The following DNAH6 variants were observed in gnomAD, a reference collection of about 807,000 sequenced individuals.
The protein encoded by DNAH6 is axonemal beta dynein heavy chain 6.
A neutral mutation model predicts 491.4 loss-of-function variants in DNAH6; 340 were observed. The ratio of observed to expected loss-of-function variants is 0.69; its 90% CI spans 0.63 to 0.76. The LOEUF (loss-of-function observed/expected upper bound fraction) is 0.76, where lower values mean the gene tolerates loss of function less well. Ranked by LOEUF, DNAH6 falls within the 30% of genes least tolerant of loss-of-function variation. The pLI is 0.00. For synonymous variants in DNAH6, 1,603 were observed against 1,686.1 expected, an observed-to-expected ratio of 0.95 and a Z score of 1.21; for missense variants, 4,443 against 4,972.2, an observed-to-expected ratio of 0.89 and a Z score of 3.20.
chr2:84,529,045 G>A lies in DNAH6; in HGVS notation c.541G>A (p.Ala181Thr), dbSNP rs1267693699. 1 of 1,551,290 alleles carries A rather than the reference G, an allele frequency of 6.4e-7. No individual in the cohort carries two copies. Among genetic ancestry groups the A allele is most frequent in the Non-Finnish European group, 8.7e-7 (1 of 1,146,748 alleles). The change falls in exon 4 of 77, where the codon GCC becomes ACC. Residue 181 changes from alanine (A) to threonine (T), a missense_variant. Transcript: ENST00000389394. ...TCACGACCGAGAAGAAGTTGTTAAA[G>A]CCAACATTCGTGATCCCTTGCAAAT... Reference protein sequence around the residue: ...TFHDREEVVKANIRDPLQIIK... With the variant: ...TFHDREEVVKTNIRDPLQIIK...
At chr2:84,620,795 G>A (rs1174788094) in intron 24 of DNAH6, among the ~76,000 whole-genome samples, 1 of 152,188 alleles carries the variant, frequency 6.6e-6, no homozygotes, top group Non-Finnish European at 1.5e-5. Flanking sequence ...AAACAGCCAT[G>A]ACAGTCAAGC....
chr2:84,650,208 C>A (rs747452823), intron 33 of DNAH6, among the ~76,000 whole-genome samples: 10 of 152,124 alleles, frequency 6.6e-5, no homozygotes, highest in Non-Finnish European at 1.0e-4. Flanking sequence ...GTGACATTTT[C>A]AGTCATTATT....
chr2:84,639,199 C>T (rs1371731226), intron 31 of DNAH6, among the ~76,000 whole-genome samples: 3 of 152,096 alleles, frequency 2.0e-5, no homozygotes, highest in Admixed American at 1.3e-4. Flanking sequence ...ACTCTTGACC[C>T]TCTCTACAAA....
rs147371222 is a variant in DNAH6 at position 84,756,099 on chromosome 2, G to A, written c.10513-6656G>A. ...TTCTTTTGTAAATTGCCCAGTCTTG[G>A]GTATGTCTTTATCAGCAGCGTGAAA... On this transcript the variant is annotated intron_variant, in intron 63 of 76. Transcript: ENST00000389394. Among the ~76,000 whole-genome samples the A allele has an allele frequency of 3.6e-3, 544 of 152,192 alleles. 3 individuals are homozygous for A. Among genetic ancestry groups the A allele is most frequent in the Non-Finnish European group, 4.6e-3 (313 of 68,002 alleles).
chr2:84,651,052 C>G (rs1690405651), intron 33 of DNAH6, among the ~76,000 whole-genome samples: 3 of 152,226 alleles, frequency 2.0e-5, no homozygotes, highest in Admixed American at 2.0e-4. Context: ...TTCCAGCTCC[C>G]TGGCAGTCCT....
chr2:84,522,761 T>C (rs574724144), intron 2 of DNAH6, among the ~76,000 whole-genome samples: 1 of 152,296 alleles, frequency 6.6e-6, no homozygotes, highest in Admixed American at 6.5e-5. Context: ...CTGTGATGAA[T>C]CACATTTATT....
chr2:84,582,703 C>G (rs1683155685), intron 14 of DNAH6, among the ~76,000 whole-genome samples: 1 of 152,192 alleles, frequency 6.6e-6, no homozygotes, highest in Non-Finnish European at 1.5e-5. Context: ...CCGCCTGCCT[C>G]AGCCTCCCAA....
At chr2:84,521,250 T>G (rs1226723080) in intron 2 of DNAH6, among the ~76,000 whole-genome samples, 1 of 152,126 alleles carries the variant, frequency 6.6e-6, no homozygotes, top group African/African-American at 2.4e-5. Flanking sequence ...TTTCATATGC[T>G]TGTTCGCTAT....
At chr2:84,712,819 TTCTC>T (rs1220205595) in intron 56 of DNAH6, among the ~76,000 whole-genome samples, 1 of 152,194 alleles carries the variant, frequency 6.6e-6, no homozygotes, top group Non-Finnish European at 1.5e-5. Context: ...TCTACCCAGT[TTCTC>T]TCTTCTTCTC....
intron 59 of DNAH6, among the ~76,000 whole-genome samples, chr2:84,721,530 C>T (rs1248015243): frequency 6.6e-6 from 1 of 151,986 alleles, no homozygotes; most frequent in Admixed American, 6.5e-5. Context: ...TATGGCTAGC[C>T]TGAATTAAGA....
intron 38 of DNAH6, 35 bp from the exon 39 acceptor site, chr2:84,670,293 T>G: frequency 7.2e-7 from 1 of 1,389,616 alleles, no homozygotes; most frequent in East Asian, 2.5e-5. Context: ...AGAGGTTATA[T>G]TCATGTGACA....
intron 48 of DNAH6, among the ~76,000 whole-genome samples, chr2:84,700,035 T>C (rs1695744820): frequency 6.6e-6 from 1 of 152,152 alleles, no homozygotes; most frequent in African/African-American, 2.4e-5. Context: ...AGTCAGTGGT[T>C]ATAGGCAACA....
the DNAH6 span, among the ~76,000 whole-genome samples, chr2:84,504,092 T>TA: frequency 6.6e-6 from 1 of 152,120 alleles, no homozygotes; most frequent in Non-Finnish European, 1.5e-5. Context: ...TGTTTTTTGT[T>TA]ATTTTTTTCT....
the DNAH6 span, among the ~76,000 whole-genome samples, chr2:84,508,523 A>T: frequency 4.6e-4 from 70 of 152,194 alleles, no homozygotes; most frequent in Non-Finnish European, 2.8e-4. Flanking sequence ...AACCAGCTCC[A>T]GGATTCATTG....
intron 26 of DNAH6, 130 bp from the exon 27 acceptor site, chr2:84,624,135 C>T (rs971681718): frequency 6.2e-6 from 5 of 810,264 alleles, no homozygotes; most frequent in Non-Finnish European, 9.4e-6. Context: ...CCTGTTTGGT[C>T]ACAAAATTAT....
the DNAH6 span, among the ~76,000 whole-genome samples, chr2:84,488,125 T>A: frequency 6.6e-6 from 1 of 152,132 alleles, no homozygotes; most frequent in Non-Finnish European, 1.5e-5. Context: ...TACAAAGATG[T>A]GCAAGGGAAA....
At chr2:84,777,889 G>T (rs1676301902) in intron 64 of DNAH6, 2 of 1,233,202 alleles carry the variant, frequency 1.6e-6, no homozygotes, top group Admixed American at 1.7e-5. Flanking sequence ...CATTAGGAAT[G>T]ATGAATTTAA....
chr2:84,506,792 C>T, the DNAH6 span, among the ~76,000 whole-genome samples: 1 of 152,066 alleles, frequency 6.6e-6, no homozygotes, highest in Non-Finnish European at 1.5e-5. Context: ...TATGGCTAGC[C>T]AGTTTTCCCA....
intron 40 of DNAH6, among the ~76,000 whole-genome samples, chr2:84,673,437 C>G (rs373907297): frequency 5.8e-4 from 88 of 152,252 alleles, no homozygotes; most frequent in African/African-American, 1.9e-3. Flanking sequence ...GCCTCCTGTG[C>G]TAATGTGTGT....
Sources: allele counts gnomAD v4.1 joint callset (sites outside exome capture counted in the v4.1 genomes callset), GRCh38; gene constraint gnomAD v4.1.1; transcripts MANE v1.5; gene names NCBI Gene and HGNC (gene_info 2026-07-23, HGNC 2026-07-21).